TNRC6B: variants seen among roughly 807,000 people sequenced by gnomAD.
TNRC6B encodes trinucleotide repeat containing adaptor 6B.
Under a neutral mutation model 203.6 loss-of-function variants are expected in TNRC6B, and 52 were observed. That is an observed-to-expected ratio of 0.26 (90% CI 0.20 to 0.32). TNRC6B has a LOEUF of 0.32. Among genes scored for constraint, TNRC6B ranks in the 10% least tolerant of loss-of-function variants. The pLI, the probability that TNRC6B is intolerant of heterozygous loss-of-function variation, is 1.00. For missense variants in TNRC6B, 1,923 were observed against 2,286.2 expected, an observed-to-expected ratio of 0.84 and a Z score of 3.24; for synonymous variants, 838 against 845.7, an observed-to-expected ratio of 0.99 and a Z score of 0.16.
intron 2 of TNRC6B, among the ~76,000 whole-genome samples, chr22:40,118,882 G>C (rs145547285): frequency 1.4e-4 from 22 of 152,312 alleles, no homozygotes; most frequent in African/African-American, 5.3e-4. Flanking sequence ...TAAAAGCTGA[G>C]CCTTGATTGG....
chr22:40,257,010 T>C (rs1031233450), intron 3 of TNRC6B, among the ~76,000 whole-genome samples: 22 of 152,056 alleles, frequency 1.4e-4, no homozygotes, highest in African/African-American at 5.3e-4. Context: ...GGTAAAGAAA[T>C]AGAGGCAGTG....
At chr22:40,116,760 A>G (rs931625684) in intron 1 of TNRC6B, among the ~76,000 whole-genome samples, 3 of 152,206 alleles carry the variant, frequency 2.0e-5, no homozygotes, top group Admixed American at 2.0e-4. Context: ...TTGATTGTAC[A>G]AAGCCTTAAT....
At chr22:40,166,483 A>G (rs538826852) in intron 4 of TNRC6B, among the ~76,000 whole-genome samples, 4 of 146,190 alleles carry the variant, frequency 2.7e-5, no homozygotes, top group African/African-American at 1.0e-4. Flanking sequence ...CTATTCTGTG[A>G]TATTTTCTAA....
At chr22:40,243,419 C>G (rs5750912) in intron 1 of TNRC6B, among the ~76,000 whole-genome samples, 49,477 of 152,012 alleles carry the variant, frequency 0.33, 9,663 homozygotes, top group East Asian at 0.57. Context: ...TTGTCACCTG[C>G]AAAGCTTTGA....
At chr22:40,227,901 A>C (rs2069813741) in intron 1 of TNRC6B, among the ~76,000 whole-genome samples, 1 of 152,160 alleles carries the variant, frequency 6.6e-6, no homozygotes, top group African/African-American at 2.4e-5. Context: ...TGTGCCTCAG[A>C]GCTGTGGATT....
chr22:40,125,409 C>T (rs1465761529), intron 2 of TNRC6B, among the ~76,000 whole-genome samples: 7 of 152,172 alleles, frequency 4.6e-5, no homozygotes, highest in East Asian at 1.9e-4. Context: ...ACAACAGGTG[C>T]GCCGCTTTGC....
chr22:40,298,055 G>C (rs1303480100), intron 12 of TNRC6B, among the ~76,000 whole-genome samples: 1 of 151,862 alleles, frequency 6.6e-6, no homozygotes, highest in Non-Finnish European at 1.5e-5. Context: ...AACCCAGGAG[G>C]TGGAGCTTGC....
intron 1 of TNRC6B, among the ~76,000 whole-genome samples, chr22:40,077,967 G>A (rs996504502): frequency 9.9e-5 from 15 of 152,168 alleles, no homozygotes; most frequent in Non-Finnish European, 1.8e-4. Context: ...CTTATTTTCA[G>A]TTTTTGATTA....
intron 1 of TNRC6B, among the ~76,000 whole-genome samples, chr22:40,183,701 T>G (rs978039727): frequency 1.3e-5 from 2 of 152,118 alleles, no homozygotes; most frequent in Non-Finnish European, 2.9e-5. Context: ...AGGTTGTTTT[T>G]TTTTTTTTAA....
Position 40,190,735 on chromosome 22 carries a change from C to G in TNRC6B, c.5+12595C>G, listed in dbSNP as rs115588831. ...AGTGGCTGCCCCAGCAAGGCCTGCTCCTTCTCCTTTTCGAAGAGTGCTGGG... is the reference window on the plus strand; with the variant it reads ...AGTGGCTGCCCCAGCAAGGCCTGCTGCTTCTCCTTTTCGAAGAGTGCTGGG... On this transcript the variant is annotated intron_variant, in intron 1 of 22. Coordinates refer to ENST00000454349, the MANE Select transcript of TNRC6B (RefSeq NM_001162501.2). Among the ~76,000 whole-genome samples, 306 of 152,268 alleles carry G rather than the reference C, an allele frequency of 2.0e-3. 1 individual carries two copies. The highest frequency in any genetic ancestry group is 7.2e-3 in the African/African-American group (299 of 41,560).
intron 1 of TNRC6B, among the ~76,000 whole-genome samples, chr22:40,073,036 A>G (rs751554483): frequency 3.3e-5 from 5 of 152,002 alleles, no homozygotes; most frequent in African/African-American, 7.2e-5. Flanking sequence ...TGTATTCTAC[A>G]TAAGGACATT....
chr22:40,329,421 T>G lies in TNRC6B; in HGVS notation c.*6180T>G, dbSNP rs1311787671. On this transcript the variant is annotated 3_prime_UTR_variant, in exon 23 of 23. Transcript: ENST00000454349. ...TATTTTCAGAAATGGTCCCTATTTG[T>G]CAGTGATAGTGTTTTTTTTTTCTTA... The G allele has an allele frequency of 6.6e-6, 1 of 152,130 alleles. No individual in the cohort carries two copies. The highest frequency in any genetic ancestry group is 2.4e-5 in the African/African-American group (1 of 41,398). 9.4% of individuals were successfully genotyped at this position (152,130 alleles called of 1,614,324 possible). A position where few individuals can be genotyped will look rare whatever the true frequency, so the allele number is the denominator to read the frequency against.
chr22:40,318,823 A>T (rs1421166023), intron 21 of TNRC6B, among the ~76,000 whole-genome samples: 1 of 151,954 alleles, frequency 6.6e-6, no homozygotes, highest in African/African-American at 2.4e-5. Context: ...TAATCCCAAC[A>T]CTTTTGGGAG....
intron 1 of TNRC6B, among the ~76,000 whole-genome samples, chr22:40,065,721 G>A (rs1427946839): frequency 6.6e-6 from 1 of 151,944 alleles, no homozygotes; most frequent in Non-Finnish European, 1.5e-5. Context: ...GATCCATTTG[G>A]GTGTTGCTTT....
intron 2 of TNRC6B, among the ~76,000 whole-genome samples, chr22:40,246,648 C>G (rs2157369): frequency 0.33 from 49,492 of 152,096 alleles, 9,670 homozygotes; most frequent in East Asian, 0.57. Context: ...AACAGTATTA[C>G]AAAGGCAAGA....
chr22:40,294,338 G>A (rs1178261913), intron 12 of TNRC6B, among the ~76,000 whole-genome samples: 1 of 152,142 alleles, frequency 6.6e-6, no homozygotes, highest in Non-Finnish European at 1.5e-5. Flanking sequence ...AATCACCACT[G>A]TCTGCCTCCA....
chr22:40,230,282 C>CTTTTT (rs56122256), intron 1 of TNRC6B, among the ~76,000 whole-genome samples: 5 of 94,476 alleles, frequency 5.3e-5, no homozygotes, highest in Non-Finnish European at 1.0e-4. Context: ...TGCCCATCTT[C>CTTTTT]TTTTTTTTTT....
At chr22:40,318,434 C>T (rs1001213869) in intron 21 of TNRC6B, among the ~76,000 whole-genome samples, 1 of 152,062 alleles carries the variant, frequency 6.6e-6, no homozygotes, top group African/African-American at 2.4e-5. Flanking sequence ...GTAGTCCCAG[C>T]TACTTGGGAG....
chr22:40,249,567 C>G (rs959805782), intron 2 of TNRC6B, among the ~76,000 whole-genome samples: 1 of 152,170 alleles, frequency 6.6e-6, no homozygotes, highest in African/African-American at 2.4e-5. Flanking sequence ...AGCTTCTCGC[C>G]GTCTGGGGGA....
Sources: gnomAD v4.1 joint callset for allele counts (sites outside exome capture counted in the v4.1 genomes callset) on GRCh38, gnomAD v4.1.1 for gene constraint, MANE v1.5 for transcripts, NCBI Gene and HGNC (gene_info 2026-07-23, HGNC 2026-07-21) for gene names.